Variants in C12orf42 observed in about 807,000 individuals in gnomAD.
The protein encoded by C12orf42 is chromosome 12 open reading frame 42.
A neutral mutation model predicts 21.6 loss-of-function variants in C12orf42; 25 were observed. The ratio of observed to expected loss-of-function variants is 1.16; its 90% CI spans 0.84 to 1.62. C12orf42 has a LOEUF of 1.62. C12orf42 is among the 40% of genes most tolerant of loss of function. The probability of loss-of-function intolerance (pLI) is 0.00; values close to 1 mark genes in which losing one functional copy is unlikely to be tolerated. For missense variants in C12orf42, 483 were observed against 459.3 expected (o/e 1.05, Z -0.47); for synonymous variants, 174 against 175.0 (o/e 0.99, Z 0.05).
At chr12:103,132,388 T>A in the C12orf42 span, among the ~76,000 whole-genome samples, 1 of 152,082 alleles carries the variant, frequency 6.6e-6, no homozygotes. Context: ...GTGGTCCATA[T>A]TCCCACCACA....
At chr12:103,292,846 A>G (rs1462461835) in intron 4 of C12orf42, among the ~76,000 whole-genome samples, 1 of 152,100 alleles carries the variant, frequency 6.6e-6, no homozygotes, top group Admixed American at 6.6e-5. Flanking sequence ...TCAAAATGAA[A>G]TGCAGCTTTT....
chr12:103,307,694 G>A (rs1441675606), intron 4 of C12orf42, among the ~76,000 whole-genome samples: 1 of 152,048 alleles, frequency 6.6e-6, no homozygotes, highest in African/African-American at 2.4e-5. Flanking sequence ...GAGGCACACA[G>A]AAAAAGGGAA....
chr12:103,434,203 C>T (rs936848446), intron 2 of C12orf42, among the ~76,000 whole-genome samples: 1 of 152,176 alleles, frequency 6.6e-6, no homozygotes, highest in Non-Finnish European at 1.5e-5. Flanking sequence ...TCCCCAACAG[C>T]TCCTCTAACC....
chr12:103,071,049 AT>A, the C12orf42 span, among the ~76,000 whole-genome samples: 1 of 152,028 alleles, frequency 6.6e-6, no homozygotes, highest in Non-Finnish European at 1.5e-5. Flanking sequence ...GTATTTCCTG[AT>A]TTTTTTCCCA....
the C12orf42 span, among the ~76,000 whole-genome samples, chr12:103,140,488 G>T: frequency 6.6e-6 from 1 of 152,140 alleles, no homozygotes; most frequent in African/African-American, 2.4e-5. Flanking sequence ...ACTTACTCCA[G>T]TGCTGCTATT....
At chr12:103,257,363 TAAA>T (rs966475542) in intron 10 of C12orf42, among the ~76,000 whole-genome samples, 2 of 151,870 alleles carry the variant, frequency 1.3e-5, no homozygotes, top group South Asian at 4.1e-4. Context: ...AAAATAAAGT[TAAA>T]AAAAGAAATG....
chr12:103,317,556 G>A (rs895243897), intron 4 of C12orf42, among the ~76,000 whole-genome samples: 1 of 152,224 alleles, frequency 6.6e-6, no homozygotes, highest in Non-Finnish European at 1.5e-5. Context: ...ACATTGGTCT[G>A]AGAGCCAGAG....
chr12:103,433,100 C>T (rs1346129030), intron 2 of C12orf42, among the ~76,000 whole-genome samples: 1 of 152,150 alleles, frequency 6.6e-6, no homozygotes, highest in African/African-American at 2.4e-5. Context: ...ATTATCCAGG[C>T]CATAGCTTCC....
chr12:103,056,560 C>T, the C12orf42 span, among the ~76,000 whole-genome samples: 18 of 152,268 alleles, frequency 1.2e-4, no homozygotes, highest in South Asian at 3.7e-3. Flanking sequence ...CCTCTCCTTC[C>T]ATGACTCTGA....
intron 4 of C12orf42, among the ~76,000 whole-genome samples, chr12:103,292,416 T>C (rs1234590254): frequency 6.6e-6 from 1 of 152,040 alleles, no homozygotes; most frequent in South Asian, 2.1e-4. Flanking sequence ...TCAAAATAAA[T>C]AAATAATTAA....
At chr12:103,487,459 T>A (rs547454355) in intron 1 of C12orf42, among the ~76,000 whole-genome samples, 1 of 152,338 alleles carries the variant, frequency 6.6e-6, no homozygotes, top group Middle Eastern at 3.4e-3. Context: ...GTTCTGTAGA[T>A]GTCTATTAGG....
chr12:103,414,504 T>C (rs745723443), intron 2 of C12orf42, among the ~76,000 whole-genome samples: 8 of 152,218 alleles, frequency 5.3e-5, no homozygotes, highest in Non-Finnish European at 8.8e-5. Context: ...GTTTATTATA[T>C]TGATTCTTTC....
At chr12:103,330,054 A>G (rs2041103354) in intron 4 of C12orf42, among the ~76,000 whole-genome samples, 1 of 152,088 alleles carries the variant, frequency 6.6e-6, no homozygotes. Flanking sequence ...TTGCTCATTT[A>G]CTCCTTCAAT....
At position 103,364,025 on chromosome 12, in the gene C12orf42, A is replaced by G. The variant is rs144419859; in HGVS notation, c.259+4862T>C. On this transcript the variant is annotated intron_variant, in intron 4 of 5. Transcript: ENST00000548883. ...CAGATATTTACAGAACATTCTACCC[A>G]ACAACTGCAGAATATACATTCCATT... Among the ~76,000 whole-genome samples, 445 of 152,268 alleles carry G rather than the reference A, an allele frequency of 2.9e-3. 3 individuals carry two copies. The highest frequency in any genetic ancestry group is 9.8e-3 in the African/African-American group (406 of 41,574).
intron 2 of C12orf42, among the ~76,000 whole-genome samples, chr12:103,458,281 C>T (rs565745627): frequency 1.2e-4 from 19 of 152,100 alleles, no homozygotes; most frequent in Non-Finnish European, 2.1e-4. Context: ...GAGAACTTAC[C>T]CTCTCCACAG....
the C12orf42 span, among the ~76,000 whole-genome samples, chr12:103,181,662 C>T: frequency 6.6e-6 from 1 of 152,296 alleles, no homozygotes; most frequent in East Asian, 1.9e-4. Context: ...TGTGAAAGTA[C>T]CAGAATGATC....
intron 4 of C12orf42, among the ~76,000 whole-genome samples, chr12:103,317,113 G>A (rs1025121629): frequency 1.3e-5 from 2 of 152,218 alleles, no homozygotes; most frequent in South Asian, 2.1e-4. Flanking sequence ...TTCAAGAAGA[G>A]TTCTAGGGCT....
the C12orf42 span, among the ~76,000 whole-genome samples, chr12:103,530,131 G>A: frequency 6.6e-6 from 1 of 152,114 alleles, no homozygotes; most frequent in South Asian, 2.1e-4. Flanking sequence ...GGCCCAAGAT[G>A]GGAAAATTTC....
intron 4 of C12orf42, among the ~76,000 whole-genome samples, chr12:103,315,494 A>G (rs961127338): frequency 3.9e-5 from 6 of 152,224 alleles, no homozygotes; most frequent in African/African-American, 1.4e-4. Context: ...ACTTGAAGAC[A>G]GGTCAATACG....
Sources: gnomAD v4.1 joint callset for allele counts (sites outside exome capture counted in the v4.1 genomes callset) on GRCh38, gnomAD v4.1.1 for gene constraint, MANE v1.5 for transcripts, NCBI Gene and HGNC (gene_info 2026-07-23, HGNC 2026-07-21) for gene names.